ATXN7: variants seen among roughly 807,000 people sequenced by gnomAD.
ATXN7 encodes the protein ataxin-7.
ATXN7 carries 12 observed loss-of-function variants against 70.5 expected under a neutral mutation model. That is an observed-to-expected ratio of 0.17 (90% CI 0.11 to 0.28). The LOEUF (loss-of-function observed/expected upper bound fraction) is 0.28, where lower values mean the gene tolerates loss of function less well. Among genes scored for constraint, ATXN7 ranks in the 10% least tolerant of loss-of-function variants. The pLI is 1.00. For missense variants in ATXN7, 1,256 were observed against 1,131.7 expected (o/e 1.11, Z -1.58); for synonymous variants, 498 against 448.7 (o/e 1.11, Z -1.39).
At chr3:63,948,863 C>T (rs575566603) in intron 4 of ATXN7, among the ~76,000 whole-genome samples, 7 of 152,244 alleles carry the variant, frequency 4.6e-5, no homozygotes, top group African/African-American at 1.7e-4. Context: ...AGGGCTTACA[C>T]AACAATAAAA....
Position 63,912,788 on chromosome 3 carries a change from G to T in ATXN7, c.190G>T (p.Gly64Trp). ...PPRRTRPEDGGPGAASTSAAA... is the reference protein window; with the variant it reads ...PPRRTRPEDGWPGAASTSAAA... ...ACGGCGCACACGGCCGGAGGACGGC[G>T]GGCCCGGCGCCGCCTCCACCTCGGC... Residue 64 changes from glycine to tryptophan, a missense_variant, in exon 3 of 13, where the codon GGG becomes TGG. Coordinates refer to ENST00000674280, the MANE Select transcript of ATXN7 (RefSeq NM_001377405.1). 1 of 1,531,642 alleles carries T rather than the reference G, an allele frequency of 6.5e-7. No individual in the cohort carries two copies. Among genetic ancestry groups the T allele is most frequent in the Non-Finnish European group, 8.7e-7 (1 of 1,143,694 alleles). The allele number at this position is 1,531,642 out of a possible 1,614,324, so 94.9% of individuals were successfully genotyped here.
Position 63,996,175 on chromosome 3 carries a change from G to A in ATXN7, c.2353G>A (p.Ala785Thr), listed in dbSNP as rs2075756061. The change falls in exon 12 of 13, where the codon GCT becomes ACT. Residue 785 changes from alanine to threonine, a missense_variant. Ala to Thr is a moderately conservative substitution (Grantham distance 58). Coordinates refer to ENST00000674280, the MANE Select transcript of ATXN7 (RefSeq NM_001377405.1). ...SGRGPPTGSP[A>T]ESIKRMSVMV... ...GAGGGGCCCCCCCACCGGGAGCCCTGCTGAATCCATCAAGAGGATGAGTGT... is the reference window on the plus strand; with the variant it reads ...GAGGGGCCCCCCCACCGGGAGCCCTACTGAATCCATCAAGAGGATGAGTGT... 2 of 1,614,056 alleles carry A rather than the reference G, an allele frequency of 1.2e-6. No individual in the cohort carries two copies. Among genetic ancestry groups the A allele is most frequent in the South Asian group, 2.2e-5 (2 of 91,092 alleles).
At chr3:63,880,986 C>T (rs1237155762) in intron 1 of ATXN7, among the ~76,000 whole-genome samples, 6 of 152,142 alleles carry the variant, frequency 3.9e-5, no homozygotes, top group Admixed American at 1.3e-4. Context: ...TACTACTCAC[C>T]AGTTGTGTGA....
At chr3:63,916,521 C>T (rs1439630846) in intron 4 of ATXN7, among the ~76,000 whole-genome samples, 2 of 152,066 alleles carry the variant, frequency 1.3e-5, no homozygotes, top group Non-Finnish European at 2.9e-5. Flanking sequence ...TTGACCAACT[C>T]CTATCAGGCA....
chr3:63,967,943 G>A, intron 5 of ATXN7: 1 of 1,535,918 alleles, frequency 6.5e-7, no homozygotes, highest in Non-Finnish European at 8.7e-7. Context: ...CTCCAAAGCA[G>A]CCCTTCTGCG....
At chr3:63,905,197 CTTTTT>C (rs1236868372) in intron 2 of ATXN7, 4 of 151,798 alleles carry the variant, frequency 2.6e-5, no homozygotes, top group Non-Finnish European at 5.9e-5. Flanking sequence ...TGTTTTCATT[CTTTTT>C]TAATTTAATT....
At chr3:63,972,948 A>G (rs2075336596) in intron 5 of ATXN7, among the ~76,000 whole-genome samples, 1 of 152,184 alleles carries the variant, frequency 6.6e-6, no homozygotes, top group Non-Finnish European at 1.5e-5. Context: ...GTATCAGCCA[A>G]GCTAACAGGG....
rs1244680208 is a variant in ATXN7 at position 64,002,159 on chromosome 3, A to G, written c.*2692A>G. On this transcript the variant is annotated 3_prime_UTR_variant, in exon 13 of 13. Transcript: ENST00000674280. ...AAAAATGAATTGTACATATTTAAAT[A>G]TGTATTTTTGCACAGGTCTTTTTTT... is the stretch of plus-strand genomic sequence containing the variant. The G allele has an allele frequency of 6.6e-6, 1 of 152,596 alleles. No homozygotes were observed. The highest frequency in any genetic ancestry group is 1.5e-5 in the Non-Finnish European group (1 of 68,038). The allele number at this position is 152,596 out of a possible 1,614,324, so 9.5% of individuals were successfully genotyped here.
intron 1 of ATXN7, among the ~76,000 whole-genome samples, chr3:63,870,736 T>G (rs560019053): frequency 6.6e-6 from 1 of 152,186 alleles, no homozygotes; most frequent in Non-Finnish European, 1.5e-5. Context: ...GGAAGGGAAG[T>G]AATTAATACT....
chr3:63,997,734 A>T, intron 12 of ATXN7: 1 of 1,546,150 alleles, frequency 6.5e-7, no homozygotes, highest in African/African-American at 1.4e-5. Context: ...CGTCTTCAGA[A>T]CTTAACTCAA....
chr3:63,954,481 C>G lies in ATXN7; in HGVS notation c.499+1998C>G, dbSNP rs576621201. 7.8e-4 allele frequency among the ~76,000 whole-genome samples: 119 copies of G among 152,216 alleles called. 1 individual carries two copies. Among genetic ancestry groups the G allele is most frequent in the African/African-American group, 2.7e-3 (112 of 41,542 alleles). The stretch of plus-strand genomic sequence containing the variant: ...CAGGGCCTCAGTGCCAATCGGAGTT[C>G]CCTGCTCTGGACGTGTTGGTGAGGA... On this transcript the variant is annotated intron_variant, in intron 5 of 12. Coordinates refer to ENST00000674280, the MANE Select transcript of ATXN7 (RefSeq NM_001377405.1).
At chr3:63,952,586 C>G in intron 5 of ATXN7, 103 bp downstream of exon 5, 1 of 641,020 alleles carries the variant, frequency 1.6e-6, no homozygotes, top group Non-Finnish European at 2.5e-6. Flanking sequence ...ATGTCCCTCC[C>G]CCACCAGGAA....
intron 4 of ATXN7, among the ~76,000 whole-genome samples, chr3:63,926,421 A>G (rs1704717272): frequency 6.6e-6 from 1 of 152,192 alleles, no homozygotes; most frequent in African/African-American, 2.4e-5. Context: ...CATATTGTGG[A>G]TAAGCTTTCA....
chr3:63,881,484 A>ATTTTTTTTT (rs909777356), intron 1 of ATXN7, among the ~76,000 whole-genome samples: 1 of 120,810 alleles, frequency 8.3e-6, no homozygotes, highest in Non-Finnish European at 1.7e-5. Context: ...TGGTTGGAGC[A>ATTTTTTTTT]TTTTTTTTTT....
chr3:63,932,456 G>C (rs2074566174), intron 4 of ATXN7, among the ~76,000 whole-genome samples: 1 of 152,184 alleles, frequency 6.6e-6, no homozygotes, highest in South Asian at 2.1e-4. Context: ...GGGCAAATGG[G>C]AGACAGACTT....
rs568756392 is a variant in ATXN7, at chr3:63,913,146, A to G, written c.326-11A>G. 13 of 1,612,556 alleles carry G rather than the reference A, an allele frequency of 8.1e-6. No homozygotes were observed. Among genetic ancestry groups the G allele is most frequent in the Admixed American group, 5.0e-5 (3 of 60,010 alleles). ...GCCTCTCCCCTCCTCCTGTGTGTGT[A>G]TATCTCCTAGGGACAGAATTGGACG... On this transcript the variant is annotated splice_polypyrimidine_tract_variant and intron_variant, in intron 3 of 12. Transcript: ENST00000674280.
At chr3:63,919,363 G>T (rs1302128565) in intron 4 of ATXN7, among the ~76,000 whole-genome samples, 2 of 152,140 alleles carry the variant, frequency 1.3e-5, no homozygotes, top group African/African-American at 2.4e-5. Context: ...CTGTTCTGAT[G>T]AATTCCTTGG....
chr3:63,942,974 G>A (rs143874483), intron 4 of ATXN7, among the ~76,000 whole-genome samples: 1 of 152,202 alleles, frequency 6.6e-6, no homozygotes, highest in Non-Finnish European at 1.5e-5. Context: ...TTGAAAACCT[G>A]TGTGTCAGGT....
chr3:63,973,948 A>G (rs958082019), intron 5 of ATXN7, among the ~76,000 whole-genome samples: 1 of 152,196 alleles, frequency 6.6e-6, no homozygotes, highest in African/African-American at 2.4e-5. Flanking sequence ...ATATATAAAA[A>G]TAGGTGAAGG....
Sources: allele counts gnomAD v4.1 joint callset (sites outside exome capture counted in the v4.1 genomes callset), GRCh38; gene constraint gnomAD v4.1.1; transcripts MANE v1.5; gene names NCBI Gene and HGNC (gene_info 2026-07-23, HGNC 2026-07-21).